PLEKHM3: variants seen among roughly 807,000 people sequenced by gnomAD.
The protein encoded by PLEKHM3 is pleckstrin homology domain-containing family M member 3.
PLEKHM3 carries 45 observed loss-of-function variants against 81.8 expected under a neutral mutation model. The observed-to-expected ratio is 0.55, with a 90% CI of 0.43 to 0.71. The LOEUF is 0.71. Among genes scored for constraint, PLEKHM3 ranks in the 30% least tolerant of loss-of-function variants. PLEKHM3 has a pLI of 0.00. For synonymous variants in PLEKHM3, 352 were observed against 356.4 expected, an observed-to-expected ratio of 0.99 and a Z score of 0.14; for missense variants, 788 against 924.3, an observed-to-expected ratio of 0.85 and a Z score of 1.91.
Position 207,976,722 on chromosome 2 carries a change from G to C in PLEKHM3, c.1475C>G (p.Thr492Ser). Residue 492 changes from threonine to serine, a missense_variant, in exon 3 of 8, where the codon ACC (threonine) becomes AGC (serine). Thr to Ser is a moderately conservative substitution (Grantham distance 58). Coordinates refer to ENST00000427836, the MANE Select transcript of PLEKHM3 (RefSeq NM_001080475.3). The surrounding 1 kb of genome is among the most constrained non-coding windows in gnomAD (Gnocchi z 4.1). The part of the protein sequence containing the change: ...LRKNKRQSVT[T>S]SFLSILTTLS... ...AGTCGTCAAAATGCTCAGGAAGCTG[G>C]TAGTCACAGATTGGCGTTTGTTCTT... is the stretch of plus-strand genomic sequence containing the variant. 1 of 1,614,188 alleles carries C rather than the reference G, an allele frequency of 6.2e-7. No individual in the cohort carries two copies. Among genetic ancestry groups the C allele is most frequent in the Non-Finnish European group, 8.5e-7 (1 of 1,180,028 alleles).
rs1175423663 is a variant in PLEKHM3 at position 207,976,850 on chromosome 2, C to T, written c.1347G>A (p.Glu449=). ...ETRQRAQEWM[E]ALKIAANVAR... is the part of the protein sequence containing the mutation. ...CCACATTGGCAGCTATCTTCAGAGC[C>T]TCCATCCATTCCTGAGCCCTCTGTC... The change falls in exon 3 of 8, where the codon GAG becomes GAA. Residue 449 remains glutamate, a synonymous_variant. Coordinates refer to ENST00000427836, the MANE Select transcript of PLEKHM3 (RefSeq NM_001080475.3). The surrounding 1 kb of genome is among the most constrained non-coding windows in gnomAD (Gnocchi z 4.1). 5 of 1,614,236 alleles carry T rather than the reference C, an allele frequency of 3.1e-6. No individual in the cohort carries two copies. The highest frequency in any genetic ancestry group is 4.2e-6 in the Non-Finnish European group (5 of 1,180,048).
intron 3 of PLEKHM3, among the ~76,000 whole-genome samples, chr2:207,966,575 C>T (rs1162219023): frequency 5.3e-5 from 8 of 151,944 alleles, no homozygotes; most frequent in South Asian, 2.1e-4. Context: ...TTTTTTGAGA[C>T]GGAGTCTCCC....
In PLEKHM3 at chr2:207,925,411, C is replaced by T. The variant is rs868170021; in HGVS notation, c.1886+5515G>A. Among the ~76,000 whole-genome samples, 3 of 152,196 alleles carry T rather than the reference C, an allele frequency of 2.0e-5. No homozygotes were observed. In the South Asian group the frequency reaches 6.2e-4, roughly 32 times the overall value. On this transcript the variant is annotated intron_variant, in intron 5 of 7. Transcript: ENST00000427836. Reference sequence around the variant, plus strand: ...TTGCCTCTTCTCCCCTGTTCACCTCCTGGCTCCTCCTGAATTATGATCTGC... The same window carrying T: ...TTGCCTCTTCTCCCCTGTTCACCTCTTGGCTCCTCCTGAATTATGATCTGC...
intron 3 of PLEKHM3, among the ~76,000 whole-genome samples, chr2:207,957,964 C>T (rs958601846): frequency 6.6e-6 from 1 of 152,040 alleles, no homozygotes; most frequent in Non-Finnish European, 1.5e-5. Context: ...AGGAACATTG[C>T]TAACCATCCT....
rs1691331126 is a variant in PLEKHM3, at chr2:207,976,884, G to C, written c.1313C>G (p.Ala438Gly). 1.2e-6 allele frequency: 2 copies of C among 1,614,232 alleles called. No individual in the cohort carries two copies. The highest frequency in any genetic ancestry group is 8.5e-7 in the Non-Finnish European group (1 of 1,180,044). ...TTCCTGAGCCCTCTGTCGGGTCTCA[G>C]CTCGGAGGCGAAGGACATCCTGGGG... Reference protein sequence around the residue: ...IFPQDVLRLRAETRQRAQEWM... With the variant: ...IFPQDVLRLRGETRQRAQEWM... The change falls in exon 3 of 8, where the codon GCT becomes GGT. Residue 438 changes from alanine (A) to glycine (G), a missense_variant. By Grantham distance (60) the Ala-to-Gly change is moderately conservative. Transcript: ENST00000427836. The surrounding 1 kb of genome is among the most constrained non-coding windows in gnomAD (Gnocchi z 4.1).
intron 6 of PLEKHM3, among the ~76,000 whole-genome samples, chr2:207,865,821 T>G (rs868058299): frequency 9.4e-5 from 10 of 106,372 alleles, no homozygotes; most frequent in Non-Finnish European, 1.9e-4. Context: ...TATATATATA[T>G]ATATATATAT....
At chr2:207,852,204 G>C (rs1231803750) in intron 7 of PLEKHM3, among the ~76,000 whole-genome samples, 4 of 152,130 alleles carry the variant, frequency 2.6e-5, no homozygotes, top group Non-Finnish European at 5.9e-5. Context: ...AAGATATAAT[G>C]GAAAAAACAT....
At chr2:207,914,613 T>C (rs1295943118) in intron 5 of PLEKHM3, among the ~76,000 whole-genome samples, 8 of 151,216 alleles carry the variant, frequency 5.3e-5, no homozygotes, top group African/African-American at 1.9e-4. Context: ...GCCCAGGAGG[T>C]TGAGGCTGCA....
intron 2 of PLEKHM3, among the ~76,000 whole-genome samples, chr2:207,986,098 A>G (rs560911474): frequency 1.3e-5 from 2 of 152,286 alleles, no homozygotes; most frequent in Non-Finnish European, 2.9e-5. Context: ...GAATGAACCC[A>G]CAGGAATAGG....
chr2:207,949,496 T>C (rs1290630628), intron 3 of PLEKHM3, among the ~76,000 whole-genome samples: 1 of 152,162 alleles, frequency 6.6e-6, no homozygotes. Flanking sequence ...GCTGTGATCA[T>C]GCCACTGCAC....
At chr2:207,946,670 C>T (rs185909667) in intron 3 of PLEKHM3, among the ~76,000 whole-genome samples, 158 bp from the exon 4 acceptor site, 202 of 152,322 alleles carry the variant, frequency 1.3e-3, no homozygotes, top group African/African-American at 4.6e-3. Flanking sequence ...ACAGTTGTGT[C>T]CTCTTCTTCC....
At chr2:208,012,601 G>A (rs1026202308) in intron 1 of PLEKHM3, among the ~76,000 whole-genome samples, 6 of 152,188 alleles carry the variant, frequency 3.9e-5, no homozygotes, top group African/African-American at 1.4e-4. Flanking sequence ...TATTGAGTTT[G>A]TTCAGTGTGA....
At chr2:207,915,109 G>A (rs999238681) in intron 5 of PLEKHM3, among the ~76,000 whole-genome samples, 4 of 152,166 alleles carry the variant, frequency 2.6e-5, no homozygotes, top group African/African-American at 7.2e-5. Flanking sequence ...TAGCACAATC[G>A]CTTCTAGTGC....
intron 3 of PLEKHM3, among the ~76,000 whole-genome samples, chr2:207,968,709 A>T (rs570891870): frequency 6.6e-6 from 1 of 152,210 alleles, no homozygotes; most frequent in Non-Finnish European, 1.5e-5. Flanking sequence ...CTCTACTATA[A>T]GCAAGCCCTC....
At chr2:207,848,714 A>G (rs1288832924) in intron 7 of PLEKHM3, among the ~76,000 whole-genome samples, 1 of 152,250 alleles carries the variant, frequency 6.6e-6, no homozygotes, top group African/African-American at 2.4e-5. Context: ...CCATGCCCCA[A>G]CAAGTTTAGG....
At position 208,001,506 on chromosome 2, in the gene PLEKHM3, A is replaced by G. The variant is rs1242041082; in HGVS notation, c.134T>C (p.Leu45Pro). 1.2e-6 allele frequency: 2 copies of G among 1,614,172 alleles called. No homozygotes were observed. Among genetic ancestry groups the G allele is most frequent in the Admixed American group, 3.3e-5 (2 of 60,016 alleles). ...EVYGIQEVPE[L>P]VGHEVLSNIT... ...GTTACTGAGTACCTCATGCCCCACC[A>G]GTTCAGGGACTTCCTGGATCCCATA... Residue 45 changes from leucine (L) to proline (P), a missense_variant, in exon 2 of 8, where the codon CTG becomes CCG. Physicochemically the swap from Leu to Pro is moderately conservative, Grantham distance 98. Coordinates refer to ENST00000427836, the MANE Select transcript of PLEKHM3 (RefSeq NM_001080475.3).
intron 6 of PLEKHM3, among the ~76,000 whole-genome samples, 174 bp from the exon 7 acceptor site, chr2:207,861,436 G>A (rs2092466438): frequency 6.6e-6 from 1 of 152,148 alleles, no homozygotes; most frequent in Non-Finnish European, 1.5e-5. Context: ...AGAACTTTCT[G>A]GTTTAAACCA....
At chr2:207,916,273 A>G (rs1251151113) in intron 5 of PLEKHM3, among the ~76,000 whole-genome samples, 3 of 152,200 alleles carry the variant, frequency 2.0e-5, no homozygotes, top group Non-Finnish European at 4.4e-5. Context: ...TAAAGCCTCA[A>G]GTAGAAATAT....
At chr2:207,856,023 G>C (rs1221850138) in intron 7 of PLEKHM3, among the ~76,000 whole-genome samples, 1 of 152,112 alleles carries the variant, frequency 6.6e-6, no homozygotes. Context: ...TGAGTGTGTG[G>C]TATATGGGAA....
Sources: gnomAD v4.1 joint callset for allele counts (sites outside exome capture counted in the v4.1 genomes callset) on GRCh38, gnomAD v4.1.1 for gene constraint, Gnocchi (gnomAD v3.1) non-coding constraint, MANE v1.5 for transcripts, NCBI Gene and HGNC (gene_info 2026-07-23, HGNC 2026-07-21) for gene names.